Variants in MDN1 observed in about 807,000 individuals in gnomAD.
MDN1 encodes the protein midasin AAA ATPase 1.
Under a neutral mutation model 669.2 loss-of-function variants are expected in MDN1, and 266 were observed. That is an observed-to-expected ratio of 0.40 (90% CI 0.36 to 0.44). The LOEUF is 0.44. Ranked by LOEUF, MDN1 falls within the 20% of genes least tolerant of loss-of-function variation. MDN1 has a pLI of 1.00. For synonymous variants in MDN1, 2,385 were observed against 2,457.1 expected, an observed-to-expected ratio of 0.97 and a Z score of 0.87; for missense variants, 5,940 against 6,754.0, an observed-to-expected ratio of 0.88 and a Z score of 4.22.
At chr6:89,675,918 T>A (rs1811146003) in intron 77 of MDN1, 184 bp downstream of exon 77, 1 of 585,852 alleles carries the variant, frequency 1.7e-6, no homozygotes, top group Admixed American at 3.3e-5. Flanking sequence ...TGAATTTATT[T>A]AAGGTGTTCT....
intron 81 of MDN1, 25 bp downstream of exon 81, chr6:89,672,522 A>G (rs2128304285): frequency 3.1e-6 from 5 of 1,602,492 alleles, no homozygotes; most frequent in African/African-American, 1.3e-5. Context: ...GCATGAAACT[A>G]ATTTCTGCCT....
At chr6:89,674,077 G>T in intron 79 of MDN1, 27 bp downstream of exon 79, 1 of 1,607,968 alleles carries the variant, frequency 6.2e-7, no homozygotes. Context: ...AGCACACAGA[G>T]AAGTGTAAAG....
intron 1 of MDN1, among the ~76,000 whole-genome samples, chr6:89,804,850 T>C (rs950878107): frequency 5.9e-5 from 9 of 151,750 alleles, no homozygotes; most frequent in Admixed American, 3.3e-4. Flanking sequence ...GCTTGTAACA[T>C]GGTGAAACCC....
intron 20 of MDN1, among the ~76,000 whole-genome samples, chr6:89,755,933 A>C (rs1817223324): frequency 6.6e-6 from 1 of 152,250 alleles, no homozygotes; most frequent in African/African-American, 2.4e-5. Flanking sequence ...TAAATATTGC[A>C]AATAGAAAAG....
intron 20 of MDN1, among the ~76,000 whole-genome samples, chr6:89,755,379 CAAAAAAAAAAA>C (rs143855867): frequency 1.6e-5 from 2 of 121,238 alleles, no homozygotes; most frequent in African/African-American, 3.1e-5. Flanking sequence ...CTCCTGTATC[CAAAAAAAAAAA>C]AAAAAAAAAT....
chr6:89,650,735 A>G lies in MDN1; in HGVS notation c.16028T>C (p.Leu5343Pro). ...CCTTCCAGAGGGGAAGACTTACTTC[A>G]GCTTGGCTGCCTGGGTAGGCTCTAA... ...LILEPTQAAK[L>P]KGDYRTGKRL... Residue 5343 changes from leucine to proline, a missense_variant, in exon 96 of 102, where the codon CTG becomes CCG. By Grantham distance (98) the Leu-to-Pro change is moderately conservative (BLOSUM62 -3). Coordinates refer to ENST00000369393, the MANE Select transcript of MDN1 (RefSeq NM_014611.3). 1 of 1,613,590 alleles carries G rather than the reference A, an allele frequency of 6.2e-7. No homozygotes were observed. The highest frequency in any genetic ancestry group is 1.3e-5 in the African/African-American group (1 of 75,040).
At chr6:89,809,513 C>T (rs186730683) in intron 1 of MDN1, among the ~76,000 whole-genome samples, 2 of 151,916 alleles carry the variant, frequency 1.3e-5, no homozygotes, top group African/African-American at 4.8e-5. Context: ...CAGTGGCTCA[C>T]TCTTGTAATC....
chr6:89,798,707 G>A (rs891847959), intron 2 of MDN1, among the ~76,000 whole-genome samples: 1 of 152,154 alleles, frequency 6.6e-6, no homozygotes, highest in Non-Finnish European at 1.5e-5. Context: ...CCACTGAACT[G>A]TACACTTTTA....
chr6:89,670,166 A>ATTTTTTTTTTT (rs1482501704), intron 83 of MDN1, among the ~76,000 whole-genome samples: 4 of 17,716 alleles, frequency 2.3e-4, no homozygotes, highest in African/African-American at 6.3e-4. Context: ...ATATATATAT[A>ATTTTTTTTTTT]TATATTTTTT....
At chr6:89,744,412 C>CT (rs578102365) in intron 29 of MDN1, among the ~76,000 whole-genome samples, 228 of 151,774 alleles carry the variant, frequency 1.5e-3, no homozygotes, top group African/African-American at 5.3e-3. Context: ...GAGACTCCAT[C>CT]TTTTTTTTAG....
chr6:89,779,818 C>T (rs1818564388), intron 11 of MDN1, among the ~76,000 whole-genome samples: 1 of 152,162 alleles, frequency 6.6e-6, no homozygotes, highest in Non-Finnish European at 1.5e-5. Context: ...GTAATCCCAG[C>T]ACTCTGGGAG....
intron 5 of MDN1, among the ~76,000 whole-genome samples, chr6:89,791,162 C>T (rs561965041): frequency 6.6e-6 from 1 of 152,150 alleles, no homozygotes; most frequent in Admixed American, 6.5e-5. Flanking sequence ...GTAAGAAAAT[C>T]TTCCAAAGTT....
intron 27 of MDN1, among the ~76,000 whole-genome samples, chr6:89,746,769 G>C (rs981011249): frequency 2.0e-5 from 3 of 152,052 alleles, no homozygotes; most frequent in Admixed American, 2.0e-4. Flanking sequence ...TCAATCATCA[G>C]CACTTTTCAA....
In MDN1 at chr6:89,732,643, G is replaced by A. The variant is rs1050401365; in HGVS notation, c.4856C>T (p.Ala1619Val). 3 of 1,613,996 alleles carry A rather than the reference G, an allele frequency of 1.9e-6. No homozygotes were observed. The highest frequency in any genetic ancestry group is 2.5e-6 in the Non-Finnish European group (3 of 1,180,026). The change falls in exon 34 of 102, where the codon GCT becomes GTT. Residue 1619 changes from alanine to valine, a missense_variant. Ala to Val is a moderately conservative substitution (Grantham distance 64). This residue lies in a region of MDN1 where 2,292 missense variants were observed against 2,638.3 expected (regional missense o/e 0.87). Transcript: ENST00000369393. ...GATGATCTCTGGCCTTTTCAAAGCA[G>A]CTTCCTCCCCCATTTTGTTCATGAA... ...VNFMNKMGEE[A>V]ALKRPEIIST...
intron 59 of MDN1, among the ~76,000 whole-genome samples, chr6:89,698,515 A>T (rs1584217931): frequency 6.6e-6 from 1 of 152,256 alleles, no homozygotes. Context: ...TAATATAAAA[A>T]TATATGTAAA....
At chr6:89,773,647 A>G (rs150721605) in intron 13 of MDN1, among the ~76,000 whole-genome samples, 2 of 152,136 alleles carry the variant, frequency 1.3e-5, no homozygotes, top group African/African-American at 4.8e-5. Context: ...GCCAAGGAAC[A>G]CCAAGGACTG....
chr6:89,814,860 AC>A, intron 1 of MDN1: 1 of 492,226 alleles, frequency 2.0e-6, no homozygotes, highest in South Asian at 1.5e-5. Flanking sequence ...GTCAACCTCA[AC>A]CTCCGGACAG....
At chr6:89,767,616 C>T (rs1817863457) in intron 15 of MDN1, among the ~76,000 whole-genome samples, 1 of 152,020 alleles carries the variant, frequency 6.6e-6, no homozygotes, top group African/African-American at 2.4e-5. Context: ...AATTATCCGA[C>T]ATGGTGGTAC....
intron 43 of MDN1, 25 bp from the exon 44 acceptor site, chr6:89,716,834 C>G: frequency 6.3e-7 from 1 of 1,575,114 alleles, no homozygotes; most frequent in Non-Finnish European, 8.6e-7. Context: ...GGAAGAATCA[C>G]CATCCACAGC....
Sources: allele counts gnomAD v4.1 joint callset (sites outside exome capture counted in the v4.1 genomes callset), GRCh38; gene constraint gnomAD v4.1.1; regional missense constraint gnomAD v4.1.1; transcripts MANE v1.5; gene names NCBI Gene and HGNC (gene_info 2026-07-23, HGNC 2026-07-21).